The following ADCY1 variants were observed in gnomAD, a reference collection of about 807,000 sequenced individuals.
ADCY1 encodes adenylate cyclase 1.
Under a neutral mutation model 105.4 loss-of-function variants are expected in ADCY1, and 28 were observed. The ratio of observed to expected loss-of-function variants is 0.27; its 90% CI spans 0.20 to 0.36. The LOEUF (loss-of-function observed/expected upper bound fraction) is 0.36. ADCY1 is among the 10% of genes least tolerant of loss of function. The pLI is 1.00. For synonymous variants in ADCY1, 655 were observed against 623.8 expected, an observed-to-expected ratio of 1.05 and a Z score of -0.75; for missense variants, 977 against 1,434.2, an observed-to-expected ratio of 0.68 and a Z score of 5.15.
At chr7:45,592,292 T>C (rs1792943192) in intron 1 of ADCY1, among the ~76,000 whole-genome samples, 1 of 152,078 alleles carries the variant, frequency 6.6e-6, no homozygotes, top group South Asian at 2.1e-4. Flanking sequence ...GAGACCTCGT[T>C]CCTGGGCTAC....
rs1282772024 is a variant in ADCY1, at chr7:45,686,985, T to C, written c.2454+312T>C. On this transcript the variant is annotated intron_variant, in intron 14 of 19. Coordinates refer to ENST00000297323, the MANE Select transcript of ADCY1 (RefSeq NM_021116.4). The surrounding 1 kb of genome is among the most constrained non-coding windows in gnomAD (Gnocchi z 4.3). ...GAGTCCCCCTTCACTGAACAGCATGTGCAGTGGTGGTGCAGAGGGGCTCAG... is the reference window on the plus strand; with the variant it reads ...GAGTCCCCCTTCACTGAACAGCATGCGCAGTGGTGGTGCAGAGGGGCTCAG... Among the ~76,000 whole-genome samples the C allele has an allele frequency of 6.6e-6, 1 of 152,074 alleles. No homozygotes were observed. Among genetic ancestry groups the C allele is most frequent in the Non-Finnish European group, 1.5e-5 (1 of 68,006 alleles).
intron 3 of ADCY1, among the ~76,000 whole-genome samples, chr7:45,616,246 A>G (rs984587559): frequency 4.6e-5 from 7 of 152,222 alleles, no homozygotes; most frequent in African/African-American, 1.4e-4. Context: ...AATTCTACCA[A>G]ACATTTAAAG....
chr7:45,707,949 C>T (rs892650799), intron 17 of ADCY1, among the ~76,000 whole-genome samples: 2 of 152,234 alleles, frequency 1.3e-5, no homozygotes, highest in Non-Finnish European at 2.9e-5. Context: ...CCTTGTCACA[C>T]ACATACATGA....
chr7:45,667,612 G>A (rs1046699370), intron 8 of ADCY1, among the ~76,000 whole-genome samples: 27 of 152,170 alleles, frequency 1.8e-4, no homozygotes, highest in African/African-American at 6.3e-4. Flanking sequence ...GGCGATGTGG[G>A]CTCTTTTTTG....
At position 45,708,549 on chromosome 7, in the gene ADCY1, C is replaced by T; in HGVS notation, c.2932+85C>T. ...GGGGTGGGATCAGCTGATGAGGTAC[C>T]CTGGTCTTACAGGAAGGAGGGTGGT... On this transcript the variant is annotated intron_variant, in intron 18 of 19. Transcript: ENST00000297323. The surrounding 1 kb of genome is among the most constrained non-coding windows in gnomAD (Gnocchi z 4.7). 9.6e-7 allele frequency: 1 copy of T among 1,046,548 alleles called. No individual in the cohort carries two copies. Among genetic ancestry groups the T allele is most frequent in the Non-Finnish European group, 1.5e-6 (1 of 686,094 alleles). The allele number at this position is 1,046,548 out of a possible 1,614,324, so 64.8% of individuals were successfully genotyped here. A position where few individuals can be genotyped will look rare whatever the true frequency, so the allele number is the denominator to read the frequency against.
Position 45,647,718 on chromosome 7 carries a change from C to T in ADCY1, c.1021-952C>T, listed in dbSNP as rs1004250116. 3.9e-5 allele frequency among the ~76,000 whole-genome samples: 6 copies of T among 152,190 alleles called. No homozygotes were observed. Among genetic ancestry groups the T allele is most frequent in the African/African-American group, 1.4e-4 (6 of 41,434 alleles). On this transcript the variant is annotated intron_variant, in intron 4 of 19. Transcript: ENST00000297323. This position sits in a 1 kb window ranked among gnomAD's most constrained non-coding sequence, Gnocchi z 4.6. ...GTGGACTGCAATACTGTGCTTCTCA[C>T]TCATTGTCTTTTGTTTGGGGAAATG...
At position 45,623,170 on chromosome 7, in the gene ADCY1, C is replaced by T. The variant is rs79850220; in HGVS notation, c.1020+427C>T. On this transcript the variant is annotated intron_variant, in intron 4 of 19. Coordinates refer to ENST00000297323, the MANE Select transcript of ADCY1 (RefSeq NM_021116.4). ...CCACCCTCCTGGGATTGAAACTTGT[C>T]AGCTGGGGGCCCAGTTGCTGACGTC... Among the ~76,000 whole-genome samples, 2,775 of 152,260 alleles carry T rather than the reference C, an allele frequency of 0.018. 259 individuals carry two copies. In the East Asian group the frequency reaches 0.32, roughly 17 times the overall value.
At chr7:45,648,308 C>A (rs773929915) in intron 4 of ADCY1, among the ~76,000 whole-genome samples, 1 of 152,124 alleles carries the variant, frequency 6.6e-6, no homozygotes, top group Non-Finnish European at 1.5e-5. Context: ...AGGGAGGTGC[C>A]GTGGGAATAA....
In ADCY1 at chr7:45,678,072, C is replaced by T; in HGVS notation, c.1800+9C>T. 3.7e-6 allele frequency: 6 copies of T among 1,613,922 alleles called. No homozygotes were observed. Among genetic ancestry groups the T allele is most frequent in the Non-Finnish European group, 5.1e-6 (6 of 1,179,912 alleles). On this transcript the variant is annotated intron_variant, in intron 9 of 19. Transcript: ENST00000297323. ...TCGAACGGGAGCAAAAGGTAAGCAA[C>T]TCTGGTTTTCGGCTTCCCTGGTGCT...
chr7:45,711,915 T>TAC (rs1339352346), intron 19 of ADCY1, among the ~76,000 whole-genome samples: 1 of 112,588 alleles, frequency 8.9e-6, no homozygotes, highest in Non-Finnish European at 1.7e-5. Flanking sequence ...AATATATAAA[T>TAC]ATATTATATA....
intron 1 of ADCY1, among the ~76,000 whole-genome samples, chr7:45,584,170 C>T (rs2115732639): frequency 6.6e-6 from 1 of 152,122 alleles, no homozygotes; most frequent in South Asian, 2.1e-4. Flanking sequence ...GTCTTGAATT[C>T]CTATGCTTAG....
chr7:45,579,725 C>T (rs1044273774), intron 1 of ADCY1, among the ~76,000 whole-genome samples: 4 of 152,130 alleles, frequency 2.6e-5, no homozygotes, highest in African/African-American at 4.8e-5. Flanking sequence ...GTGTGGTGGC[C>T]TGGCGACCTG....
At chr7:45,701,113 GAAT>G (rs558059429) in intron 14 of ADCY1, among the ~76,000 whole-genome samples, 10 of 152,226 alleles carry the variant, frequency 6.6e-5, no homozygotes, top group Non-Finnish European at 1.5e-4. Context: ...TTGTTGACAG[GAAT>G]AATGTGTGGT....
At chr7:45,676,345 C>CT (rs146996493) in intron 8 of ADCY1, among the ~76,000 whole-genome samples, 4,740 of 152,218 alleles carry the variant, frequency 0.031, 136 homozygotes, top group East Asian at 0.14. Context: ...TTTAACAACT[C>CT]TATCATCTTG....
chr7:45,611,377 C>G (rs899740250), intron 3 of ADCY1, among the ~76,000 whole-genome samples: 2 of 152,034 alleles, frequency 1.3e-5, no homozygotes, highest in African/African-American at 4.8e-5. Context: ...CTTACACTTC[C>G]TCTGTTGACT....
chr7:45,698,753 T>G (rs1784933231), intron 14 of ADCY1, among the ~76,000 whole-genome samples: 1 of 152,186 alleles, frequency 6.6e-6, no homozygotes, highest in Non-Finnish European at 1.5e-5. Flanking sequence ...GTCCCTGAAG[T>G]GGCCGTGCAA....
rs776377437 is a variant in ADCY1, at chr7:45,708,387, C to T, written c.2855C>T (p.Ala952Val). 23 of 1,614,052 alleles carry T rather than the reference C, an allele frequency of 1.4e-5. No homozygotes were observed. Among genetic ancestry groups the T allele is most frequent in the African/African-American group, 9.3e-5 (7 of 74,920 alleles). Residue 952 changes from alanine (A) to valine (V), a missense_variant, in exon 18 of 20, where the codon GCG (alanine) becomes GTG (valine). Around this residue, in one of 7 missense-constraint regions of ADCY1, gnomAD observed 152 missense variants for 293.7 expected, o/e 0.52. Coordinates refer to ENST00000297323, the MANE Select transcript of ADCY1 (RefSeq NM_021116.4). This position sits in a 1 kb window ranked among gnomAD's most constrained non-coding sequence, Gnocchi z 4.7. ...ATCTCCTCCCACCTGAGCACGCTGG[C>T]GGACTTTGCCATTGAGATGTTTGAC... ...KSISSHLSTL[A>V]DFAIEMFDVL...
At chr7:45,600,681 A>C (rs948188448) in intron 2 of ADCY1, among the ~76,000 whole-genome samples, 1 of 152,242 alleles carries the variant, frequency 6.6e-6, no homozygotes, top group African/African-American at 2.4e-5. Flanking sequence ...GTATTTCCTC[A>C]CAGTTCTGGA....
intron 3 of ADCY1, among the ~76,000 whole-genome samples, chr7:45,622,190 G>A (rs1269951294): frequency 6.6e-6 from 1 of 152,188 alleles, no homozygotes; most frequent in Non-Finnish European, 1.5e-5. Flanking sequence ...TCAGGGCCTG[G>A]GAGTTTCTTG....
Sources: allele counts gnomAD v4.1 joint callset (sites outside exome capture counted in the v4.1 genomes callset), GRCh38; gene constraint gnomAD v4.1.1; regional missense constraint gnomAD v4.1.1; non-coding constraint Gnocchi (gnomAD v3.1); transcripts MANE v1.5; gene names NCBI Gene and HGNC (gene_info 2026-07-23, HGNC 2026-07-21).